Variants in MTA3 observed in about 807,000 individuals in gnomAD.
MTA3 encodes metastasis-associated protein MTA3.
Under a neutral mutation model 83.5 loss-of-function variants are expected in MTA3, and 34 were observed. The ratio of observed to expected loss-of-function variants is 0.41; its 90% CI spans 0.31 to 0.54. The LOEUF (loss-of-function observed/expected upper bound fraction) is 0.54, where lower values mean the gene tolerates loss of function less well. MTA3 is among the 20% of genes least tolerant of loss of function. MTA3 has a pLI of 0.33. For synonymous variants in MTA3, 303 were observed against 252.7 expected (o/e 1.20, Z -1.89); for missense variants, 761 against 726.4 (o/e 1.05, Z -0.55).
chr2:42,577,560 A>C (rs958572652), intron 2 of MTA3, among the ~76,000 whole-genome samples: 40 of 150,722 alleles, frequency 2.7e-4, no homozygotes, highest in Non-Finnish European at 4.0e-4. Context: ...GGCTCACTGC[A>C]ACCTCCACCT....
chr2:42,611,436 A>C (rs1684211127), intron 4 of MTA3, among the ~76,000 whole-genome samples: 1 of 152,164 alleles, frequency 6.6e-6, no homozygotes, highest in Non-Finnish European at 1.5e-5. Flanking sequence ...GAAGTATGTG[A>C]TAAAGATACT....
intron 2 of MTA3, among the ~76,000 whole-genome samples, chr2:42,508,277 C>G (rs1215572057): frequency 6.6e-6 from 1 of 152,086 alleles, no homozygotes; most frequent in Non-Finnish European, 1.5e-5. Context: ...TCTAACTTGT[C>G]CAAACCCATA....
intron 8 of MTA3, among the ~76,000 whole-genome samples, chr2:42,672,088 A>G (rs961139484): frequency 5.3e-5 from 8 of 152,212 alleles, no homozygotes; most frequent in Admixed American, 2.0e-4. Flanking sequence ...GGTTTGTGCC[A>G]AGAATCACAG....
intron 5 of MTA3, among the ~76,000 whole-genome samples, chr2:42,643,839 A>C (rs1687919227): frequency 6.6e-6 from 1 of 152,190 alleles, no homozygotes; most frequent in Admixed American, 6.5e-5. Flanking sequence ...CTAGCTCTTG[A>C]AACTCTGCTT....
intron 8 of MTA3, among the ~76,000 whole-genome samples, chr2:42,669,562 G>A (rs1029197779): frequency 1.3e-5 from 2 of 152,220 alleles, no homozygotes; most frequent in South Asian, 4.1e-4. Context: ...TAATGGACTA[G>A]CACTGCAGTA....
intron 6 of MTA3, among the ~76,000 whole-genome samples, chr2:42,652,179 A>C (rs1310172425): frequency 6.6e-6 from 1 of 152,198 alleles, no homozygotes; most frequent in Non-Finnish European, 1.5e-5. Context: ...TGTTACGTGG[A>C]TGAACCTTCG....
At chr2:42,708,583 T>A (rs532480117) in intron 13 of MTA3, among the ~76,000 whole-genome samples, 1 of 151,866 alleles carries the variant, frequency 6.6e-6, no homozygotes, top group African/African-American at 2.4e-5. Flanking sequence ...CTCCTTAATT[T>A]AAAAAAAAGT....
chr2:42,613,128 C>A (rs1558500398), intron 4 of MTA3, among the ~76,000 whole-genome samples: 1 of 152,160 alleles, frequency 6.6e-6, no homozygotes, highest in Non-Finnish European at 1.5e-5. Flanking sequence ...TATCAAGACA[C>A]TTCTTTGTTG....
rs190874701 is a variant in MTA3 at position 42,653,063 on chromosome 2, G to A, written c.500-3137G>A. ...TTAAGAAGTACTTTGTCAGTATTTT[G>A]TAGAGATTTAAAAATATAACTGGAG... On this transcript the variant is annotated intron_variant, in intron 6 of 16. Coordinates refer to ENST00000405094, the MANE Select transcript of MTA3 (RefSeq NM_001330442.2). Among the ~76,000 whole-genome samples, 200 of 152,320 alleles carry A rather than the reference G, an allele frequency of 1.3e-3. 2 individuals carry two copies. In the Middle Eastern group the frequency reaches 0.014, roughly 10 times the overall value.
chr2:42,677,849 C>G (rs1691524222), intron 8 of MTA3, among the ~76,000 whole-genome samples: 1 of 152,202 alleles, frequency 6.6e-6, no homozygotes, highest in African/African-American at 2.4e-5. Context: ...TGAAAACAGA[C>G]TAATACAGTG....
chr2:42,584,409 G>T (rs1573063197), intron 3 of MTA3, among the ~76,000 whole-genome samples: 1 of 152,234 alleles, frequency 6.6e-6, no homozygotes, highest in South Asian at 2.1e-4. Flanking sequence ...AAGTGTATAA[G>T]GAACTCTCCA....
chr2:42,630,856 A>G (rs1412107192), intron 4 of MTA3, among the ~76,000 whole-genome samples: 1 of 152,106 alleles, frequency 6.6e-6, no homozygotes, highest in African/African-American at 2.4e-5. Flanking sequence ...AGCTGAAAGG[A>G]TTTGTAAATT....
At chr2:42,643,037 C>T (rs1234101077) in intron 5 of MTA3, among the ~76,000 whole-genome samples, 2 of 20,764 alleles carry the variant, frequency 9.6e-5, no homozygotes, top group African/African-American at 6.6e-4. Context: ...TGGTGTCTCC[C>T]CCCCCCCCCT....
chr2:42,752,256 C>G (rs937938511), intron 16 of MTA3: 3 of 471,322 alleles, frequency 6.4e-6, no homozygotes, highest in Non-Finnish European at 1.3e-5. Context: ...AGTGAAGACA[C>G]AGCTCTGCTC....
chr2:42,527,952 C>T (rs912426361), intron 2 of MTA3, among the ~76,000 whole-genome samples: 1 of 152,018 alleles, frequency 6.6e-6, no homozygotes, highest in South Asian at 2.1e-4. Flanking sequence ...GACGGAATCT[C>T]ACTCTGTCAC....
At chr2:42,730,365 C>T (rs1250083187) in intron 16 of MTA3, among the ~76,000 whole-genome samples, 1 of 152,134 alleles carries the variant, frequency 6.6e-6, no homozygotes, top group African/African-American at 2.4e-5. Context: ...TTATATATGG[C>T]TTTTATTGTG....
chr2:42,590,256 G>T (rs1260164877), intron 3 of MTA3, among the ~76,000 whole-genome samples: 1 of 152,102 alleles, frequency 6.6e-6, no homozygotes, highest in Non-Finnish European at 1.5e-5. Flanking sequence ...GAGATGGTTG[G>T]GTCATGGGAG....
intron 2 of MTA3, among the ~76,000 whole-genome samples, chr2:42,576,926 A>C (rs755813363): frequency 1.4e-5 from 2 of 147,892 alleles, no homozygotes; most frequent in African/African-American, 5.0e-5. Flanking sequence ...AAACAAAACC[A>C]CCTCTAAACT....
Position 42,718,984 on chromosome 2 carries a change from T to C in MTA3, c.1526-4T>C. The C allele has an allele frequency of 6.5e-7, 1 of 1,548,682 alleles. No homozygotes were observed. The highest frequency in any genetic ancestry group is 8.7e-7 in the Non-Finnish European group (1 of 1,145,380). On this transcript the variant is annotated splice_polypyrimidine_tract_variant and splice_region_variant and intron_variant, in intron 14 of 16. Coordinates refer to ENST00000405094, the MANE Select transcript of MTA3 (RefSeq NM_001330442.2). Reference sequence around the variant, plus strand: ...GTTATCTCCATGTTTCTTTCTCTCCTCAGATGCAGACAGACATGCTGAACT... The same window carrying C: ...GTTATCTCCATGTTTCTTTCTCTCCCCAGATGCAGACAGACATGCTGAACT...
Sources: allele counts gnomAD v4.1 joint callset (sites outside exome capture counted in the v4.1 genomes callset), GRCh38; gene constraint gnomAD v4.1.1; transcripts MANE v1.5; gene names NCBI Gene and HGNC (gene_info 2026-07-23, HGNC 2026-07-21).